Variants in NCAPD3 observed in about 807,000 individuals in gnomAD.
The protein encoded by NCAPD3 is condensin-2 complex subunit D3.
NCAPD3 carries 105 observed loss-of-function variants against 182.9 expected under a neutral mutation model. That is an observed-to-expected ratio of 0.57 (90% CI 0.49 to 0.68). The LOEUF (loss-of-function observed/expected upper bound fraction) is 0.68, where lower values mean the gene tolerates loss of function less well. NCAPD3 is among the 30% of genes least tolerant of loss of function. The pLI, the probability that NCAPD3 is intolerant of heterozygous loss-of-function variation, is 0.00. For synonymous variants in NCAPD3, 815 were observed against 679.9 expected, an observed-to-expected ratio of 1.20 and a Z score of -3.09; for missense variants, 1,944 against 1,837.0, an observed-to-expected ratio of 1.06 and a Z score of -1.07.
intron 24 of NCAPD3, chr11:134,173,697 CCACTGGTACCTTTTCCCA>C (rs1316812734): frequency 6.5e-6 from 1 of 152,862 alleles, no homozygotes; most frequent in East Asian, 1.9e-4. Flanking sequence ...TTGAAGAGAG[CCACTGGTACCTTTTCCCA>C]CCCCGCACAG....
At chr11:134,157,201 T>C in intron 31 of NCAPD3, 106 bp from the exon 32 acceptor site, 4 of 816,046 alleles carry the variant, frequency 4.9e-6, no homozygotes, top group East Asian at 2.8e-5. Flanking sequence ...TCAAAATCAC[T>C]AGTGTTTACA....
At chr11:134,208,379 G>A (rs1171611999) in intron 7 of NCAPD3, among the ~76,000 whole-genome samples, 1 of 152,144 alleles carries the variant, frequency 6.6e-6, no homozygotes, top group East Asian at 1.9e-4. Context: ...TGCTGACCAC[G>A]GGTGACAACC....
chr11:134,205,949 A>G (rs1937602621), intron 8 of NCAPD3, among the ~76,000 whole-genome samples: 1 of 152,148 alleles, frequency 6.6e-6, no homozygotes. Flanking sequence ...ACACTTGCAC[A>G]TGCACACCAT....
In NCAPD3 at chr11:134,218,112, G is replaced by C. The variant is rs1485088434; in HGVS notation, c.220-1014C>G. ...GACCCTGGTCTCAAAAAAAAAAAAG[G>C]GGGGGGGGGGAAGAAATCATCTCCT... On this transcript the variant is annotated intron_variant, in intron 2 of 34. Coordinates refer to ENST00000534548, the MANE Select transcript of NCAPD3 (RefSeq NM_015261.3). 1.0e-4 allele frequency among the ~76,000 whole-genome samples: 6 copies of C among 60,186 alleles called. 1 individual carries two copies. Among genetic ancestry groups the C allele is most frequent in the South Asian group, 1.3e-3 (2 of 1,578 alleles). The allele number at this position is 60,186 out of a possible 152,430, so 39.5% of individuals were successfully genotyped here. A position where few individuals can be genotyped will look rare whatever the true frequency, so the allele number is the denominator to read the frequency against.
At chr11:134,181,795 T>C (rs1944303222) in intron 19 of NCAPD3, among the ~76,000 whole-genome samples, 2 of 152,164 alleles carry the variant, frequency 1.3e-5, no homozygotes, top group South Asian at 4.1e-4. Context: ...AACACCTAGG[T>C]TGAGCTAAGG....
rs369990889 is a variant in NCAPD3 at position 134,181,100 on chromosome 11, C to G, written c.2536G>C (p.Gly846Arg). 2 of 1,613,992 alleles carry G rather than the reference C, an allele frequency of 1.2e-6. No individual in the cohort carries two copies. Among genetic ancestry groups the G allele is most frequent in the South Asian group, 2.2e-5 (2 of 91,072 alleles). ...SNIVLKENGT[G>R]NMDEDLLVKY... ...ACCAACAGGTCTTCGTCCATATTCC[C>G]TGTTCCATTCTCCTTGAGAACGATG... Residue 846 changes from glycine (G) to arginine (R), a missense_variant, in exon 20 of 35, where the codon GGG becomes CGG. Physicochemically the swap from Gly to Arg is moderately radical, Grantham distance 125. Around this residue, in one of 3 missense-constraint regions of NCAPD3, gnomAD observed 1,803 missense variants for 1,674.6 expected, o/e 1.08. Transcript: ENST00000534548.
intron 28 of NCAPD3, among the ~76,000 whole-genome samples, chr11:134,160,458 A>G (rs1427821116): frequency 1.3e-5 from 2 of 152,122 alleles, no homozygotes; most frequent in Non-Finnish European, 2.9e-5. Flanking sequence ...GGAGAAAGAC[A>G]TGCTCAGACA....
chr11:134,165,467 GAT>G (rs1423594242), intron 27 of NCAPD3, among the ~76,000 whole-genome samples: 3 of 149,712 alleles, frequency 2.0e-5, no homozygotes, highest in Non-Finnish European at 4.4e-5. Flanking sequence ...ACACTCATGA[GAT>G]GAGCTTGGGG....
chr11:134,158,271 C>T lies in NCAPD3; in HGVS notation c.4034+58G>A, dbSNP rs1943483133. ...CCCACGCTTGGGAATGGCAGGGACG[C>T]CTCTGAGAACATCGCCACAGAGAAC... On this transcript the variant is annotated intron_variant, in intron 30 of 34. Coordinates refer to ENST00000534548, the MANE Select transcript of NCAPD3 (RefSeq NM_015261.3). The T allele has an allele frequency of 1.3e-5, 20 of 1,599,436 alleles. No homozygotes were observed. The South Asian group carries it at 2.0e-4, about 16-fold the overall frequency.
At chr11:134,177,537 G>T in intron 22 of NCAPD3, 80 bp from the exon 23 acceptor site, 2 of 1,240,326 alleles carry the variant, frequency 1.6e-6, no homozygotes, top group South Asian at 1.3e-5. Flanking sequence ...GATACATCTT[G>T]CTAATGGCTT....
intron 7 of NCAPD3, 82 bp from the exon 8 acceptor site, chr11:134,206,814 C>T: frequency 3.6e-6 from 5 of 1,405,536 alleles, no homozygotes; most frequent in Non-Finnish European, 4.8e-6. Flanking sequence ...CTGTAGTAAA[C>T]CATTTCAAGC....
upstream of NCAPD3, chr11:134,224,165 C>G: frequency 1.7e-6 from 1 of 595,342 alleles, no homozygotes; most frequent in African/African-American, 1.9e-5. Context: ...TCCGCTAATT[C>G]GTTCGAGAAG....
intron 24 of NCAPD3, among the ~76,000 whole-genome samples, chr11:134,173,893 G>A (rs970380711): frequency 6.6e-6 from 1 of 151,450 alleles, no homozygotes; most frequent in Non-Finnish European, 1.5e-5. Context: ...CCAGGGAGTC[G>A]GAGGCTGCAG....
intron 24 of NCAPD3, among the ~76,000 whole-genome samples, chr11:134,172,048 G>A (rs1944018722): frequency 6.6e-6 from 1 of 152,168 alleles, no homozygotes; most frequent in African/African-American, 2.4e-5. Flanking sequence ...ACCAGATAGT[G>A]TGTTGCCAAA....
At position 134,176,330 on chromosome 11, in the gene NCAPD3, G is replaced by C. The variant is rs768140938; in HGVS notation, c.3078C>G (p.Ile1026Met). Residue 1026 changes from isoleucine (I) to methionine (M), a missense_variant, in exon 24 of 35, where the codon ATC becomes ATG. Ile to Met is a conservative substitution (Grantham distance 10). Around this residue, in one of 3 missense-constraint regions of NCAPD3, gnomAD observed 1,803 missense variants for 1,674.6 expected, o/e 1.08. Transcript: ENST00000534548. ...ACCTGGCAATGTCTGGGTGTGAATCGATCAGAGTGCTGACAAATCGGAAGA... is the reference window on the plus strand; with the variant it reads ...ACCTGGCAATGTCTGGGTGTGAATCCATCAGAGTGCTGACAAATCGGAAGA... ...SLFFRFVSTLIDSHPDIASFG... is the reference protein window; with the variant it reads ...SLFFRFVSTLMDSHPDIASFG... The C allele has an allele frequency of 6.2e-7, 1 of 1,614,054 alleles. No individual in the cohort carries two copies. The highest frequency in any genetic ancestry group is 8.5e-7 in the Non-Finnish European group (1 of 1,179,954).
At chr11:134,225,115 GC>G (rs780916858), upstream of NCAPD3, 1 of 1,595,840 alleles carries the variant, frequency 6.3e-7, no homozygotes, top group South Asian at 1.1e-5. Flanking sequence ...GCCCGGCCCG[GC>G]GGTGCGATGA....
intron 3 of NCAPD3, among the ~76,000 whole-genome samples, chr11:134,215,997 T>C (rs546476140): frequency 1.2e-4 from 18 of 152,338 alleles, no homozygotes; most frequent in African/African-American, 3.4e-4. Context: ...CAGCCACCTC[T>C]TTGCTCTGGC....
intron 24 of NCAPD3, among the ~76,000 whole-genome samples, chr11:134,172,658 G>T (rs1438159846): frequency 2.6e-5 from 4 of 152,132 alleles, no homozygotes; most frequent in African/African-American, 9.7e-5. Flanking sequence ...GTTGCCCTGT[G>T]ATTACAAGGC....
intron 16 of NCAPD3, among the ~76,000 whole-genome samples, chr11:134,186,880 G>C (rs1179674949): frequency 6.6e-6 from 1 of 152,120 alleles, no homozygotes; most frequent in African/African-American, 2.4e-5. Flanking sequence ...ACTACAGTTA[G>C]CTTACAACAT....
Sources: gnomAD v4.1 joint callset for allele counts (sites outside exome capture counted in the v4.1 genomes callset) on GRCh38, gnomAD v4.1.1 for gene constraint, gnomAD v4.1.1 regional missense constraint, MANE v1.5 for transcripts, NCBI Gene and HGNC (gene_info 2026-07-23, HGNC 2026-07-21) for gene names.